SKP1: variants seen among roughly 807,000 people sequenced by gnomAD.
SKP1 encodes the protein S-phase kinase-associated protein 1.
A neutral mutation model predicts 21.5 loss-of-function variants in SKP1; 1 was observed. The observed-to-expected ratio is 0.05, with a 90% CI of 0.02 to 0.22. The LOEUF is 0.22. Ranked by LOEUF, SKP1 falls within the 10% of genes least tolerant of loss-of-function variation. SKP1 has a pLI of 1.00. For missense variants in SKP1, 70 were observed against 192.0 expected (o/e 0.36, Z 3.76); for synonymous variants, 59 against 59.3 (o/e 0.99, Z 0.03).
chr5:134,158,652 A>G lies in SKP1; in HGVS notation c.316-57T>C, dbSNP rs527334191. 1.3e-5 allele frequency: 19 copies of G among 1,434,086 alleles called. No individual in the cohort carries two copies. The South Asian group carries it at 2.2e-4, about 16-fold the overall frequency. The allele number at this position is 1,434,086 out of a possible 1,614,324, so 88.8% of individuals were successfully genotyped here. A position where few individuals can be genotyped will look rare whatever the true frequency, so the allele number is the denominator to read the frequency against. On this transcript the variant is annotated intron_variant, in intron 4 of 5. Coordinates refer to ENST00000353411, the MANE Select transcript of SKP1 (RefSeq NM_170679.3). ...TACTTGATGTTTTAAACTAAATCCA[A>G]AGTTAATGATTGACACTCCGTATCT...
chr5:134,175,537 T>C (rs1442779356), intron 1 of SKP1: 1 of 152,218 alleles, frequency 6.6e-6, no homozygotes. Flanking sequence ...AGTACTGAAA[T>C]GAACAGTGCA....
intron 4 of SKP1, among the ~76,000 whole-genome samples, chr5:134,158,933 CG>C (rs1761168128): frequency 6.6e-6 from 1 of 152,170 alleles, no homozygotes; most frequent in South Asian, 2.1e-4. Context: ...AGAGTTCAAA[CG>C]TAAGCAGTTA....
chr5:134,170,715 C>G (rs1199157224), intron 2 of SKP1, among the ~76,000 whole-genome samples: 1 of 152,212 alleles, frequency 6.6e-6, no homozygotes. Flanking sequence ...AAAAGAATAA[C>G]TTAATTGTTG....
chr5:134,164,452 C>T (rs1424598543), intron 3 of SKP1, among the ~76,000 whole-genome samples: 1 of 151,126 alleles, frequency 6.6e-6, no homozygotes, highest in East Asian at 2.0e-4. Flanking sequence ...CTTCTTTATT[C>T]TCCATAGTTT....
At position 134,152,383 on chromosome 5, in the gene SKP1, T is replaced by C. The variant is rs1407131993; in HGVS notation, c.*5350A>G. The C allele has an allele frequency of 6.6e-6, 1 of 152,186 alleles. No individual in the cohort carries two copies. The highest frequency in any genetic ancestry group is 6.5e-5 in the Admixed American group (1 of 15,276). 9.4% of individuals were successfully genotyped at this position (152,186 alleles called of 1,614,324 possible). A position where few individuals can be genotyped will look rare whatever the true frequency, so the allele number is the denominator to read the frequency against. On this transcript the variant is annotated 3_prime_UTR_variant, in exon 6 of 6. Coordinates refer to ENST00000353411, the MANE Select transcript of SKP1 (RefSeq NM_170679.3). Reference sequence around the variant, plus strand: ...CAACACCCAACCTTCTGCTGTTAGTTCCTGACTGTGCACTGCTTTTTCCTC... The same window carrying C: ...CAACACCCAACCTTCTGCTGTTAGTCCCTGACTGTGCACTGCTTTTTCCTC...
intron 5 of SKP1, 104 bp downstream of exon 5, chr5:134,158,351 A>G: frequency 6.3e-7 from 1 of 1,598,894 alleles, no homozygotes; most frequent in Non-Finnish European, 8.5e-7. Flanking sequence ...TTATCCCTAA[A>G]GTATCAAGAC....
intron 3 of SKP1, among the ~76,000 whole-genome samples, chr5:134,165,585 CA>C (rs10707716): frequency 0.89 from 86,632 of 97,536 alleles, 38,839 homozygotes; most frequent in East Asian, 0.97. Context: ...GTGTCTGTCT[CA>C]AAAAAAAAAA....
At chr5:134,158,074 G>A (rs1761151402) in intron 5 of SKP1, 1 of 1,442,056 alleles carries the variant, frequency 6.9e-7, no homozygotes, top group South Asian at 1.2e-5. Flanking sequence ...AAATCATTCT[G>A]ATCTATTCTT....
In SKP1 at chr5:134,152,451, T is replaced by C. The variant is rs1403370083; in HGVS notation, c.*5282A>G. 6.6e-6 allele frequency: 1 copy of C among 152,312 alleles called. No homozygotes were observed. The highest frequency in any genetic ancestry group is 2.4e-5 in the African/African-American group (1 of 41,462). The allele number at this position is 152,312 out of a possible 1,614,324, so 9.4% of individuals were successfully genotyped here. On this transcript the variant is annotated 3_prime_UTR_variant, in exon 6 of 6. Coordinates refer to ENST00000353411, the MANE Select transcript of SKP1 (RefSeq NM_170679.3). ...CCCCCAAACAAATCCAACTTGATTC[T>C]TGAAACCAAATTAGTTTCACTTTAC...
rs1221834999 is a variant in SKP1, at chr5:134,151,589, A to G, written c.*6144T>C. The G allele has an allele frequency of 6.7e-6, 3 of 446,888 alleles. No individual in the cohort carries two copies. Among genetic ancestry groups the G allele is most frequent in the Middle Eastern group, 3.3e-4 (1 of 3,050 alleles). 27.7% of individuals were successfully genotyped at this position (446,888 alleles called of 1,614,324 possible). On this transcript the variant is annotated 3_prime_UTR_variant, in exon 6 of 6. Coordinates refer to ENST00000353411, the MANE Select transcript of SKP1 (RefSeq NM_170679.3). ...CCTCAGTGTGCAATAAGAGGCTGCT[A>G]TATAGCAGGTTGAAAATTTGAAGTT...
In SKP1 at chr5:134,155,768, ATTTG is replaced by A. The variant is rs1347876657; in HGVS notation, c.*1961_*1964del. The A allele has an allele frequency of 1.3e-5, 2 of 152,206 alleles. No individual in the cohort carries two copies. The highest frequency in any genetic ancestry group is 2.4e-5 in the African/African-American group (1 of 41,528). The allele number at this position is 152,206 out of a possible 1,614,324, so 9.4% of individuals were successfully genotyped here. A position where few individuals can be genotyped will look rare whatever the true frequency, so the allele number is the denominator to read the frequency against. On this transcript the variant is annotated 3_prime_UTR_variant, in exon 6 of 6. Transcript: ENST00000353411. ...CAGTAATCCTGGACCTTCAGTGAAGATTTGTTTGTCATAATACTGCTAAGGATAC... is the reference window on the plus strand; with the variant it reads ...CAGTAATCCTGGACCTTCAGTGAAGATTTGTCATAATACTGCTAAGGATAC...
At chr5:134,168,576 G>A (rs1235956375) in intron 2 of SKP1, among the ~76,000 whole-genome samples, 1 of 152,168 alleles carries the variant, frequency 6.6e-6, no homozygotes, top group Non-Finnish European at 1.5e-5. Context: ...TAAAGAACAT[G>A]GGTTAAGGGA....
chr5:134,156,895 T>C lies in SKP1; in HGVS notation c.*838A>G, dbSNP rs1443181185. On this transcript the variant is annotated 3_prime_UTR_variant, in exon 6 of 6. Transcript: ENST00000353411. Reference sequence around the variant, plus strand: ...TACCTACTATATAACTTACTTTTTATTGAAAGTATCTTGCATTCATGATGG... The same window carrying C: ...TACCTACTATATAACTTACTTTTTACTGAAAGTATCTTGCATTCATGATGG... 1 of 152,690 alleles carries C rather than the reference T, an allele frequency of 6.5e-6. No individual in the cohort carries two copies. The highest frequency in any genetic ancestry group is 1.5e-5 in the Non-Finnish European group (1 of 68,040). 9.5% of individuals were successfully genotyped at this position (152,690 alleles called of 1,614,324 possible). A position where few individuals can be genotyped will look rare whatever the true frequency, so the allele number is the denominator to read the frequency against.
At position 134,151,069 on chromosome 5, in the gene SKP1, CTATTGGTAAGGGATG is replaced by C. The variant is rs1169626035; in HGVS notation, c.*6649_*6663del. On this transcript the variant is annotated 3_prime_UTR_variant, in exon 6 of 6. Coordinates refer to ENST00000353411, the MANE Select transcript of SKP1 (RefSeq NM_170679.3). ...CAAGCAGTCCTCACAAGTTAGGTCA[CTATTGGTAAGGGATG>C]TTTCACTTCTGAAGACAAGATAGCA... 1.6e-4 allele frequency: 24 copies of C among 152,252 alleles called. No homozygotes were observed. The highest frequency in any genetic ancestry group is 3.3e-4 in the Admixed American group (5 of 15,284). 9.4% of individuals were successfully genotyped at this position (152,252 alleles called of 1,614,324 possible).
rs1408490707 is a variant in SKP1, at chr5:134,157,186, G to A, written c.*547C>T. 6.5e-5 allele frequency: 10 copies of A among 152,832 alleles called. No individual in the cohort carries two copies. The highest frequency in any genetic ancestry group is 2.2e-4 in the African/African-American group (9 of 41,564). 9.5% of individuals were successfully genotyped at this position (152,832 alleles called of 1,614,324 possible). ...TAAAGAAAAAGAAAACAAGTCCTCA[G>A]ATGCAATGAAGGGAGCCCTGCTACA... On this transcript the variant is annotated 3_prime_UTR_variant, in exon 6 of 6. Transcript: ENST00000353411.
At position 134,163,601 on chromosome 5, in the gene SKP1, G is replaced by A. The variant is rs1420270472; in HGVS notation, c.172-2471C>T. 2.0e-5 allele frequency among the ~76,000 whole-genome samples: 3 copies of A among 151,920 alleles called. No homozygotes were observed. In the East Asian group the frequency reaches 5.8e-4, roughly 29 times the overall value. On this transcript the variant is annotated intron_variant, in intron 3 of 5. Transcript: ENST00000353411. ...GCCCAGGAGTTCCGGACTAGCCTCGGCAACATGGTGAAACTCCATCTCTAC... is the reference window on the plus strand; with the variant it reads ...GCCCAGGAGTTCCGGACTAGCCTCGACAACATGGTGAAACTCCATCTCTAC...
chr5:134,165,353 G>A (rs1051482272), intron 3 of SKP1, among the ~76,000 whole-genome samples: 1 of 152,160 alleles, frequency 6.6e-6, no homozygotes, highest in Non-Finnish European at 1.5e-5. Context: ...ACTTTGGGAG[G>A]CCAAAGCAGG....
chr5:134,174,485 A>G (rs1761501523), intron 1 of SKP1: 3 of 990,736 alleles, frequency 3.0e-6, no homozygotes, highest in Non-Finnish European at 3.6e-6. Context: ...TTCAGATCCA[A>G]AGAGTACATC....
chr5:134,159,701 C>A (rs917198194), intron 4 of SKP1, among the ~76,000 whole-genome samples: 2 of 152,194 alleles, frequency 1.3e-5, no homozygotes, highest in African/African-American at 4.8e-5. Flanking sequence ...GTTCCTGCCA[C>A]CCCACCCGGC....
Sources: allele counts gnomAD v4.1 joint callset (sites outside exome capture counted in the v4.1 genomes callset), GRCh38; gene constraint gnomAD v4.1.1; transcripts MANE v1.5; gene names NCBI Gene and HGNC (gene_info 2026-07-23, HGNC 2026-07-21).